DLGAP2: variants seen among roughly 807,000 people sequenced by gnomAD.
The protein encoded by DLGAP2 is disks large-associated protein 2.
Under a neutral mutation model 100.3 loss-of-function variants are expected in DLGAP2, and 26 were observed. That is an observed-to-expected ratio of 0.26 (90% confidence interval 0.19 to 0.36). The LOEUF (loss-of-function observed/expected upper bound fraction) is 0.36. DLGAP2 is among the 10% of genes least tolerant of loss of function. DLGAP2 has a pLI of 1.00. For synonymous variants in DLGAP2, 886 were observed against 630.1 expected (o/e 1.41, Z -6.08); for missense variants, 1,858 against 1,453.2 (o/e 1.28, Z -4.53).
At chr8:1,042,755 A>G (rs148308050) in intron 2 of DLGAP2, among the ~76,000 whole-genome samples, 16,328 of 35,874 alleles carry the variant, frequency 0.46, 5,337 homozygotes, top group Middle Eastern at 0.57. Flanking sequence ...TCGTGGATGT[A>G]GGTGGTGGAT....
At chr8:1,076,491 T>C (rs542818759) in intron 2 of DLGAP2, among the ~76,000 whole-genome samples, 1 of 152,316 alleles carries the variant, frequency 6.6e-6, no homozygotes, top group African/African-American at 2.4e-5. Context: ...GATCTGCCGC[T>C]CATGGCCCAC....
At chr8:1,595,779 T>C (rs113839321) in intron 6 of DLGAP2, among the ~76,000 whole-genome samples, 96 of 152,124 alleles carry the variant, frequency 6.3e-4, no homozygotes, top group African/African-American at 2.2e-3. Context: ...CCTATTATTA[T>C]TTTTTAACTA....
chr8:1,138,475 C>T (rs1269868900), intron 2 of DLGAP2, among the ~76,000 whole-genome samples: 1 of 152,242 alleles, frequency 6.6e-6, no homozygotes, highest in African/African-American at 2.4e-5. Flanking sequence ...GGCCATCGGC[C>T]CTCAGGTCCA....
intron 2 of DLGAP2, among the ~76,000 whole-genome samples, chr8:1,224,288 A>G (rs939895567): frequency 2.6e-5 from 4 of 152,252 alleles, no homozygotes; most frequent in Admixed American, 2.6e-4. Flanking sequence ...GTTCTCTCAT[A>G]TAAGAGACAT....
chr8:1,083,156 G>A (rs554227377), intron 2 of DLGAP2, among the ~76,000 whole-genome samples: 2 of 152,304 alleles, frequency 1.3e-5, no homozygotes, highest in East Asian at 3.9e-4. Flanking sequence ...GTTTTGGAGA[G>A]GAATATCGTA....
chr8:1,211,384 A>C (rs1798101412), intron 2 of DLGAP2, among the ~76,000 whole-genome samples: 1 of 152,258 alleles, frequency 6.6e-6, no homozygotes, highest in Non-Finnish European at 1.5e-5. Flanking sequence ...ATAGATGCAC[A>C]GAAAAACAAC....
At chr8:1,131,856 C>T (rs957795204) in intron 2 of DLGAP2, among the ~76,000 whole-genome samples, 34 of 152,020 alleles carry the variant, frequency 2.2e-4, no homozygotes, top group Non-Finnish European at 3.5e-4. Flanking sequence ...GGAAATGGTC[C>T]CGTTTTTCAA....
At chr8:946,521 C>A (rs1018247716) in intron 2 of DLGAP2, among the ~76,000 whole-genome samples, 1 of 152,172 alleles carries the variant, frequency 6.6e-6, no homozygotes, top group Non-Finnish European at 1.5e-5. Flanking sequence ...CCTTGGCCTC[C>A]CAAAGTGCTG....
At chr8:1,509,424 G>A (rs1461535138) in intron 4 of DLGAP2, among the ~76,000 whole-genome samples, 4 of 151,994 alleles carry the variant, frequency 2.6e-5, no homozygotes, top group Admixed American at 2.0e-4. Context: ...GGGTGTGTGC[G>A]TGTGGGTGTG....
intron 4 of DLGAP2, among the ~76,000 whole-genome samples, chr8:1,517,488 C>T (rs553245621): frequency 1.3e-5 from 2 of 152,244 alleles, no homozygotes; most frequent in East Asian, 1.9e-4. Context: ...ACCCTGGCCT[C>T]GTTTCCTCCA....
intron 1 of DLGAP2, among the ~76,000 whole-genome samples, chr8:888,456 G>A (rs1797965138): frequency 6.6e-6 from 1 of 152,042 alleles, no homozygotes; most frequent in African/African-American, 2.4e-5. Flanking sequence ...AAGACCCTCT[G>A]GCCTTTTGGG....
rs77159548 is a variant in DLGAP2, at chr8:1,486,431, C to T, written c.107-14935C>T. Among the ~76,000 whole-genome samples, 1,093 of 152,262 alleles carry T rather than the reference C, an allele frequency of 7.2e-3. 11 individuals carry two copies. The highest frequency in any genetic ancestry group is 0.026 in the African/African-American group (1,061 of 41,544). On this transcript the variant is annotated intron_variant, in intron 3 of 14. Transcript: ENST00000637795. Reference sequence around the variant, plus strand: ...ATCTGTGTTGTTTATAAAGGACTGCCATGTGGTGGCACGTGCGAAGCCTGT... The same window carrying T: ...ATCTGTGTTGTTTATAAAGGACTGCTATGTGGTGGCACGTGCGAAGCCTGT...
intron 6 of DLGAP2, among the ~76,000 whole-genome samples, chr8:1,617,902 A>T (rs1310001296): frequency 6.6e-6 from 1 of 152,262 alleles, no homozygotes; most frequent in African/African-American, 2.4e-5. Flanking sequence ...ACAACAGTAA[A>T]ATGGTAGGCT....
intron 2 of DLGAP2, among the ~76,000 whole-genome samples, chr8:946,414 C>A (rs1799323408): frequency 6.6e-6 from 1 of 152,082 alleles, no homozygotes; most frequent in Non-Finnish European, 1.5e-5. Flanking sequence ...CAGGCGCCCG[C>A]CACCACGCCC....
At chr8:1,174,135 C>T (rs558971732) in intron 2 of DLGAP2, among the ~76,000 whole-genome samples, 5 of 152,160 alleles carry the variant, frequency 3.3e-5, no homozygotes, top group Admixed American at 6.5e-5. Context: ...AGATCTAAGT[C>T]GGGCTGGAAC....
At chr8:1,448,391 G>C (rs1226700139) in intron 3 of DLGAP2, among the ~76,000 whole-genome samples, 2 of 152,150 alleles carry the variant, frequency 1.3e-5, no homozygotes, top group Admixed American at 1.3e-4. Flanking sequence ...ATGTAGTTGA[G>C]TGGTTTTGAG....
intron 1 of DLGAP2, among the ~76,000 whole-genome samples, chr8:852,729 A>G (rs765265235): frequency 2.5e-4 from 38 of 152,326 alleles, no homozygotes; most frequent in Non-Finnish European, 4.0e-4. Context: ...ATATCCACCC[A>G]AACCCAGCAA....
chr8:816,721 A>G (rs1283683781), intron 1 of DLGAP2, among the ~76,000 whole-genome samples: 2 of 152,112 alleles, frequency 1.3e-5, no homozygotes, highest in Non-Finnish European at 2.9e-5. Context: ...TTTGTGATGA[A>G]TTTCCTGGGT....
At chr8:1,407,719 A>G (rs1796608367) in intron 3 of DLGAP2, among the ~76,000 whole-genome samples, 2 of 123,716 alleles carry the variant, frequency 1.6e-5, no homozygotes, top group Admixed American at 7.9e-5. Context: ...TCGTGTATTG[A>G]GTGCTTACTG....
Sources: gnomAD v4.1 joint callset for allele counts (sites outside exome capture counted in the v4.1 genomes callset) on GRCh38, gnomAD v4.1.1 for gene constraint, MANE v1.5 for transcripts, NCBI Gene and HGNC (gene_info 2026-07-23, HGNC 2026-07-21) for gene names.